CDK19: variants seen among roughly 807,000 people sequenced by gnomAD.
The protein encoded by CDK19 is cyclin-dependent kinase 19.
In CDK19, 20 loss-of-function variants were observed where a neutral mutation model predicts 68.3. That is an observed-to-expected ratio of 0.29 (90% CI 0.21 to 0.43). The LOEUF is 0.43. CDK19 is among the 20% of genes least tolerant of loss of function. The pLI is 1.00. For missense variants in CDK19, 339 were observed against 623.5 expected (o/e 0.54, Z 4.86); for synonymous variants, 221 against 222.8 (o/e 0.99, Z 0.07).
intron 4 of CDK19, among the ~76,000 whole-genome samples, chr6:110,646,735 G>C (rs1210220326): frequency 1.3e-5 from 2 of 151,982 alleles, no homozygotes; most frequent in East Asian, 3.9e-4. Context: ...ACCCACCTCG[G>C]CTGCCTCCCC....
At chr6:110,798,644 A>G (rs1037511448) in intron 1 of CDK19, among the ~76,000 whole-genome samples, 3 of 151,202 alleles carry the variant, frequency 2.0e-5, no homozygotes, top group Non-Finnish European at 4.4e-5. Context: ...AAAAAAAAAA[A>G]AAAAAGAAAG....
intron 9 of CDK19, 86 bp from the exon 10 acceptor site, chr6:110,622,998 A>G: frequency 2.3e-6 from 2 of 864,178 alleles, no homozygotes; most frequent in Non-Finnish European, 4.0e-6. Flanking sequence ...GTGTAACAGG[A>G]TTAATATAAA....
At chr6:110,683,704 T>TC (rs1772208060) in intron 2 of CDK19, among the ~76,000 whole-genome samples, 2 of 147,336 alleles carry the variant, frequency 1.4e-5, no homozygotes, top group African/African-American at 2.5e-5. Context: ...ATTTAATCTT[T>TC]TTTTTTTTTT....
At chr6:110,713,898 GA>G (rs1775163873) in intron 2 of CDK19, among the ~76,000 whole-genome samples, 4 of 152,092 alleles carry the variant, frequency 2.6e-5, no homozygotes, top group Admixed American at 2.6e-4. Flanking sequence ...TTGTCTTAAA[GA>G]AAACCTTACT....
chr6:110,622,868 C>T lies in CDK19; in HGVS notation c.978G>A (p.Ser326=), dbSNP rs762417212. Residue 326 remains serine, a synonymous_variant, in exon 10 of 13, where the codon TCG becomes TCA. Coordinates refer to ENST00000368911, the MANE Select transcript of CDK19 (RefSeq NM_015076.5). ...AATAGGGATCCTGCAGAGCTTGCTC[C>T]GAGGTAATTCTCTTGGTTGGATCCA... is the stretch of plus-strand genomic sequence containing the variant. ...LTMDPTKRIT[S]EQALQDPYFQ... is the part of the protein sequence containing the mutation. The T allele has an allele frequency of 1.2e-5, 20 of 1,613,564 alleles. No homozygotes were observed. The highest frequency in any genetic ancestry group is 1.0e-4 in the Admixed American group (6 of 60,002).
At chr6:110,792,792 C>T (rs992437649) in intron 1 of CDK19, among the ~76,000 whole-genome samples, 14 of 152,208 alleles carry the variant, frequency 9.2e-5, no homozygotes, top group Admixed American at 2.0e-4. Flanking sequence ...ATAATTTTTA[C>T]TCAATATCTA....
At chr6:110,615,214 T>C (rs1778237572) in intron 12 of CDK19, among the ~76,000 whole-genome samples, 2 of 152,180 alleles carry the variant, frequency 1.3e-5, no homozygotes, top group South Asian at 2.1e-4. Context: ...GGCAGCAACA[T>C]GTGGGTTTTA....
At chr6:110,732,899 T>G (rs899401958) in intron 2 of CDK19, among the ~76,000 whole-genome samples, 16 of 151,974 alleles carry the variant, frequency 1.1e-4, no homozygotes, top group Non-Finnish European at 1.6e-4. Flanking sequence ...AAACCCCATC[T>G]CTATTAAAAA....
intron 1 of CDK19, among the ~76,000 whole-genome samples, chr6:110,802,699 A>C (rs185264638): frequency 7.9e-5 from 12 of 152,362 alleles, no homozygotes; most frequent in Non-Finnish European, 5.9e-5. Flanking sequence ...ATTTAAAAGA[A>C]GAAAAAAATT....
intron 4 of CDK19, among the ~76,000 whole-genome samples, chr6:110,657,623 G>A (rs1030597538): frequency 6.6e-6 from 1 of 152,188 alleles, no homozygotes; most frequent in African/African-American, 2.4e-5. Flanking sequence ...GTAGCCTTTG[G>A]TTCTCAACTA....
chr6:110,640,279 G>A (rs1357101775), intron 4 of CDK19, among the ~76,000 whole-genome samples: 2 of 151,322 alleles, frequency 1.3e-5, no homozygotes, highest in Non-Finnish European at 2.9e-5. Flanking sequence ...TCATGTTGAG[G>A]GTAGTAGGAT....
At chr6:110,744,227 G>A (rs1275890571) in intron 2 of CDK19, among the ~76,000 whole-genome samples, 1 of 150,586 alleles carries the variant, frequency 6.6e-6, no homozygotes, top group Non-Finnish European at 1.5e-5. Flanking sequence ...GGCTGGTCTC[G>A]AACTCCTGAC....
Position 110,804,910 on chromosome 6 carries a change from C to T in CDK19, c.128+10099G>A, listed in dbSNP as rs553755623. Among the ~76,000 whole-genome samples, 150 of 151,588 alleles carry T rather than the reference C, an allele frequency of 9.9e-4. 1 individual carries two copies. The highest frequency in any genetic ancestry group is 3.3e-3 in the African/African-American group (137 of 41,380). On this transcript the variant is annotated intron_variant, in intron 1 of 12. Transcript: ENST00000368911. ...GGCGGAGCTTGCAGTGAGCCGAGAT[C>T]GCGCCACTGCACTCCAACCTGGGCG...
intron 2 of CDK19, among the ~76,000 whole-genome samples, chr6:110,707,697 G>A (rs574717778): frequency 2.2e-4 from 33 of 152,208 alleles, no homozygotes; most frequent in Admixed American, 1.6e-3. Context: ...TCAGCCAGGC[G>A]CAGCAGCTCA....
chr6:110,681,448 A>C (rs761352940), intron 2 of CDK19, among the ~76,000 whole-genome samples: 7 of 152,238 alleles, frequency 4.6e-5, no homozygotes, highest in Non-Finnish European at 7.3e-5. Flanking sequence ...CTATTTTACA[A>C]GTTTTCTTCA....
At chr6:110,672,542 T>C (rs2114458103) in intron 2 of CDK19, among the ~76,000 whole-genome samples, 1 of 152,388 alleles carries the variant, frequency 6.6e-6, no homozygotes, top group Non-Finnish European at 1.5e-5. Flanking sequence ...CAAGGTTATA[T>C]ATTGAAATGT....
chr6:110,785,018 T>C (rs1781099176), intron 1 of CDK19, among the ~76,000 whole-genome samples: 1 of 142,480 alleles, frequency 7.0e-6, no homozygotes, highest in Non-Finnish European at 1.5e-5. Flanking sequence ...GTTCTAAAAT[T>C]AGATAATGGT....
At chr6:110,788,151 TTTTTGTTG>T (rs1781365622) in intron 1 of CDK19, among the ~76,000 whole-genome samples, 1 of 151,448 alleles carries the variant, frequency 6.6e-6, no homozygotes, top group Non-Finnish European at 1.5e-5. Flanking sequence ...GTTTTTTGTT[TTTTTGTTG>T]TTGTTGTTTG....
chr6:110,629,543 C>T (rs184351484), intron 6 of CDK19, among the ~76,000 whole-genome samples: 21 of 152,196 alleles, frequency 1.4e-4, no homozygotes, highest in Admixed American at 1.3e-3. Context: ...TTGGTAGAGA[C>T]GGGGATTCAC....
Sources: gnomAD v4.1 joint callset for allele counts (sites outside exome capture counted in the v4.1 genomes callset) on GRCh38, gnomAD v4.1.1 for gene constraint, MANE v1.5 for transcripts, NCBI Gene and HGNC (gene_info 2026-07-23, HGNC 2026-07-21) for gene names.